C1orf105: variants seen among roughly 807,000 people sequenced by gnomAD.
C1orf105 encodes the protein uncharacterized protein C1orf105.
Under a neutral mutation model 20.8 loss-of-function variants are expected in C1orf105, and 17 were observed. The ratio of observed to expected loss-of-function variants is 0.82; its 90% confidence interval spans 0.56 to 1.23. The LOEUF is 1.23. Ranked by LOEUF, C1orf105 falls within the 50% of genes most tolerant of loss-of-function variation. The probability of loss-of-function intolerance (pLI) is 0.00; values close to 1 mark genes in which losing one functional copy is unlikely to be tolerated. For missense variants in C1orf105, 219 were observed against 213.5 expected (o/e 1.03, Z -0.16); for synonymous variants, 72 against 72.1 (o/e 1.00, Z 0.01).
chr1:172,454,748 C>T (rs777629508), intron 3 of C1orf105, among the ~76,000 whole-genome samples: 7 of 152,150 alleles, frequency 4.6e-5, no homozygotes, highest in Non-Finnish European at 8.8e-5. Flanking sequence ...CTGCCCCACC[C>T]CCAGTTAAGC....
At chr1:172,429,355 T>G (rs1383346837) in intron 1 of C1orf105, among the ~76,000 whole-genome samples, 2 of 152,210 alleles carry the variant, frequency 1.3e-5, no homozygotes, top group Non-Finnish European at 2.9e-5. Context: ...AACCCCAGTA[T>G]GCTATTTACC....
chr1:172,434,001 CAAAG>C (rs1232157734), intron 1 of C1orf105, among the ~76,000 whole-genome samples: 1 of 152,096 alleles, frequency 6.6e-6, no homozygotes, highest in African/African-American at 2.4e-5. Context: ...TCAAAAGAGA[CAAAG>C]AAAGCCATTA....
intron 1 of C1orf105, chr1:172,442,209 C>T (rs889673559): frequency 1.9e-6 from 3 of 1,613,916 alleles, no homozygotes; most frequent in African/African-American, 2.7e-5. Context: ...CTGTAAGGGT[C>T]TTCAGCACTG....
At chr1:172,435,533 C>T (rs2072013788) in intron 1 of C1orf105, among the ~76,000 whole-genome samples, 2 of 152,134 alleles carry the variant, frequency 1.3e-5, no homozygotes, top group South Asian at 4.1e-4. Flanking sequence ...AGGTCTTTGA[C>T]AAAATTCAAC....
In C1orf105 at chr1:172,449,275, C is replaced by T. The variant is rs144299909; in HGVS notation, c.198+744C>T. Among the ~76,000 whole-genome samples, 14 of 152,130 alleles carry T rather than the reference C, an allele frequency of 9.2e-5. No individual in the cohort carries two copies. The East Asian group carries it at 2.5e-3, about 27-fold the overall frequency. The stretch of plus-strand genomic sequence containing the variant: ...ATACATCAGAGATGAGTGAGTCAGC[C>T]GCAGCTACACAGATGAGTGAGCAGA... On this transcript the variant is annotated intron_variant, in intron 3 of 6. Transcript: ENST00000367727.
intron 1 of C1orf105, chr1:172,431,354 G>C: frequency 3.0e-6 from 1 of 331,968 alleles, no homozygotes; most frequent in East Asian, 4.5e-5. Flanking sequence ...ATAGTGGTCT[G>C]TATAAAAGGC....
At chr1:172,462,415 A>T (rs1196622922) in intron 5 of C1orf105, among the ~76,000 whole-genome samples, 170 bp downstream of exon 5, 1 of 152,246 alleles carries the variant, frequency 6.6e-6, no homozygotes, top group African/African-American at 2.4e-5. Flanking sequence ...CAAAAAAGAA[A>T]GTTCACCTTT....
At chr1:172,441,981 G>A in intron 1 of C1orf105, 1 of 1,614,154 alleles carries the variant, frequency 6.2e-7, no homozygotes, top group Non-Finnish European at 8.5e-7. Flanking sequence ...TCTGCAACAT[G>A]GGCCACAGGG....
At chr1:172,427,073 C>G (rs530166107) in intron 1 of C1orf105, among the ~76,000 whole-genome samples, 1 of 152,180 alleles carries the variant, frequency 6.6e-6, no homozygotes, top group African/African-American at 2.4e-5. Flanking sequence ...ACTAAGCATC[C>G]CTTGTTCATT....
At chr1:172,425,210 C>T (rs368010422) in intron 1 of C1orf105, among the ~76,000 whole-genome samples, 4 of 152,248 alleles carry the variant, frequency 2.6e-5, no homozygotes. Flanking sequence ...TCCTTGGGTA[C>T]TTTTACCCCA....
chr1:172,434,838 T>G (rs1055287280), intron 1 of C1orf105, among the ~76,000 whole-genome samples: 2 of 151,724 alleles, frequency 1.3e-5, no homozygotes, highest in African/African-American at 4.8e-5. Context: ...TCAACAAAAT[T>G]GATAGACCGC....
At chr1:172,445,408 T>A (rs1647878595) in intron 2 of C1orf105, among the ~76,000 whole-genome samples, 1 of 152,194 alleles carries the variant, frequency 6.6e-6, no homozygotes, top group Non-Finnish European at 1.5e-5. Flanking sequence ...TATAAGATAA[T>A]TTTTCCCCTA....
At chr1:172,447,534 C>A (rs1244257472) in intron 2 of C1orf105, among the ~76,000 whole-genome samples, 1 of 152,196 alleles carries the variant, frequency 6.6e-6, no homozygotes, top group Non-Finnish European at 1.5e-5. Flanking sequence ...ATTTGGGTGA[C>A]AAGTCCAAGA....
intron 4 of C1orf105, among the ~76,000 whole-genome samples, chr1:172,456,828 C>T (rs1558142384): frequency 6.6e-6 from 1 of 152,154 alleles, no homozygotes; most frequent in African/African-American, 2.4e-5. Flanking sequence ...CCCCACACAA[C>T]ACATAGGCTC....
intron 1 of C1orf105, among the ~76,000 whole-genome samples, chr1:172,421,632 G>A (rs1385600927): frequency 3.3e-5 from 5 of 152,160 alleles, no homozygotes; most frequent in East Asian, 3.9e-4. Flanking sequence ...CTCCATGCAC[G>A]AACATCAAAT....
At chr1:172,453,051 C>A in intron 3 of C1orf105, 1 of 1,550,548 alleles carries the variant, frequency 6.4e-7, no homozygotes, top group Non-Finnish European at 8.7e-7. Context: ...CAGGACATGG[C>A]GTCTCAAATG....
At chr1:172,450,998 A>G (rs983578290) in intron 3 of C1orf105, 3 of 152,260 alleles carry the variant, frequency 2.0e-5, no homozygotes, top group East Asian at 1.9e-4. Context: ...TTCTCCTGCC[A>G]TTTGCAGGCA....
intron 1 of C1orf105, chr1:172,442,809 G>A: frequency 1.7e-6 from 1 of 583,246 alleles, no homozygotes; most frequent in South Asian, 2.3e-5. Context: ...TGTCTCTGAG[G>A]CAGGACAACA....
intron 4 of C1orf105, among the ~76,000 whole-genome samples, chr1:172,461,110 T>G (rs1370476422): frequency 2.0e-5 from 3 of 152,210 alleles, no homozygotes; most frequent in African/African-American, 4.8e-5. Flanking sequence ...AAATCTCTCC[T>G]CAGGTTCTTA....
Sources: gnomAD v4.1 joint callset for allele counts (sites outside exome capture counted in the v4.1 genomes callset) on GRCh38, gnomAD v4.1.1 for gene constraint, MANE v1.5 for transcripts, NCBI Gene and HGNC (gene_info 2026-07-23, HGNC 2026-07-21) for gene names.